ROS1: variants seen among roughly 807,000 people sequenced by gnomAD.
ROS1 encodes proto-oncogene tyrosine-protein kinase ROS.
ROS1 carries 263 observed loss-of-function variants against 273.5 expected under a neutral mutation model. That is an observed-to-expected ratio of 0.96 (90% CI 0.87 to 1.06). The LOEUF (loss-of-function observed/expected upper bound fraction) is 1.06. ROS1 is among the 50% of genes least tolerant of loss of function. ROS1 has a pLI of 0.00. For missense variants in ROS1, 2,833 were observed against 2,751.1 expected (o/e 1.03, Z -0.67); for synonymous variants, 1,008 against 954.1 (o/e 1.06, Z -1.04).
intron 39 of ROS1, among the ~76,000 whole-genome samples, chr6:117,315,715 A>G (rs1463758165): frequency 2.0e-5 from 3 of 152,168 alleles, no homozygotes; most frequent in Admixed American, 2.0e-4. Flanking sequence ...ACAAAAAGTC[A>G]TGAGATACAT....
chr6:117,425,687 C>A lies in ROS1; in HGVS notation c.-31G>T. On this transcript the variant is annotated 5_prime_UTR_variant, in exon 1 of 44. Transcript: ENST00000368507. The stretch of plus-strand genomic sequence containing the variant: ...CACCAATGGCAGATTTTTAGATGGC[C>A]GGTCTAATTTTCTCCATTTTGCTAT... 2 of 1,606,812 alleles carry A rather than the reference C, an allele frequency of 1.2e-6. No individual in the cohort carries two copies. Among genetic ancestry groups the A allele is most frequent in the Middle Eastern group, 1.7e-4 (1 of 6,036 alleles).
At chr6:117,330,146 G>A (rs563915215) in intron 32 of ROS1, among the ~76,000 whole-genome samples, 1 of 152,232 alleles carries the variant, frequency 6.6e-6, no homozygotes, top group Admixed American at 6.5e-5. Context: ...GAGCCAGCGA[G>A]GCTGGACAGC....
intron 4 of ROS1, among the ~76,000 whole-genome samples, chr6:117,411,816 G>A (rs1774935315): frequency 6.6e-6 from 1 of 152,174 alleles, no homozygotes; most frequent in Non-Finnish European, 1.5e-5. Flanking sequence ...AAGCAAGAAA[G>A]TTAAACTCCC....
At position 117,377,173 on chromosome 6, in the gene ROS1, C is replaced by T. The variant is rs563560852; in HGVS notation, c.2582+1886G>A. On this transcript the variant is annotated intron_variant, in intron 18 of 43. Coordinates refer to ENST00000368507, the MANE Select transcript of ROS1 (RefSeq NM_001378902.1). ...TTGCCCAGGCTGGAGTGCAATGGCG[C>T]GATCTCAGCTCACTGTAACCTCTGC... Among the ~76,000 whole-genome samples the T allele has an allele frequency of 2.9e-3, 437 of 152,224 alleles. 2 individuals are homozygous for T. Among genetic ancestry groups the T allele is most frequent in the African/African-American group, 9.5e-3 (394 of 41,528 alleles).
At chr6:117,298,490 G>T (rs1044787153) in intron 43 of ROS1, among the ~76,000 whole-genome samples, 2 of 152,182 alleles carry the variant, frequency 1.3e-5, no homozygotes, top group African/African-American at 4.8e-5. Flanking sequence ...TTAATTTTAT[G>T]TATTGGCAAA....
intron 20 of ROS1, 116 bp from the exon 21 acceptor site, chr6:117,365,320 T>G: frequency 8.9e-7 from 1 of 1,119,884 alleles, no homozygotes. Context: ...ATTTGCAATT[T>G]TGGAAGTGCT....
chr6:117,305,879 T>C (rs549005196), intron 42 of ROS1, among the ~76,000 whole-genome samples: 4 of 152,228 alleles, frequency 2.6e-5, no homozygotes, highest in Non-Finnish European at 5.9e-5. Flanking sequence ...CTAAACAAAT[T>C]TGCAGGTCCT....
At chr6:117,316,683 C>A (rs1056705231) in intron 39 of ROS1, among the ~76,000 whole-genome samples, 1 of 151,432 alleles carries the variant, frequency 6.6e-6, no homozygotes, top group Non-Finnish European at 1.5e-5. Context: ...AGAGGACGTA[C>A]GAAATCAAGA....
chr6:117,353,329 T>C (rs1196293451), intron 26 of ROS1, among the ~76,000 whole-genome samples, 163 bp from the exon 27 acceptor site: 1 of 152,260 alleles, frequency 6.6e-6, no homozygotes, highest in African/African-American at 2.4e-5. Context: ...CTAAGGGTTT[T>C]AGAGATGTTC....
In ROS1 at chr6:117,287,959, C is replaced by A. The variant is rs1362695233; in HGVS notation, c.*533G>T. Among the ~76,000 whole-genome samples, 1 of 151,410 alleles carries A rather than the reference C, an allele frequency of 6.6e-6. No homozygotes were observed. The highest frequency in any genetic ancestry group is 1.9e-4 in the East Asian group (1 of 5,188). ...AATTAAAAAAAGATAATATATATAT[C>A]ATTGCAGTAACAGCTTTCCAAGTGA... On this transcript the variant is annotated 3_prime_UTR_variant, in exon 44 of 44. Transcript: ENST00000368507.
rs1776655869 is a variant in ROS1, at chr6:117,326,500, G to A, written c.5349-86C>T. On this transcript the variant is annotated intron_variant, in intron 33 of 43. Coordinates refer to ENST00000368507, the MANE Select transcript of ROS1 (RefSeq NM_001378902.1). ...TCATAGATCTTCTTAGTGACTGAAC[G>A]CCAGAGAGTGTCCTTTGGCACAATT... 12 of 793,490 alleles carry A rather than the reference G, an allele frequency of 1.5e-5. No individual in the cohort carries two copies. In the Admixed American group the frequency reaches 2.3e-4, roughly 15 times the overall value. 49.2% of individuals were successfully genotyped at this position (793,490 alleles called of 1,614,324 possible).
chr6:117,307,576 C>A (rs554215128), intron 42 of ROS1, among the ~76,000 whole-genome samples: 1 of 152,082 alleles, frequency 6.6e-6, no homozygotes, highest in South Asian at 2.1e-4. Context: ...CATTTCCCCC[C>A]AAAATGATTA....
intron 27 of ROS1, among the ~76,000 whole-genome samples, chr6:117,344,778 T>C (rs1169140178): frequency 2.0e-5 from 3 of 152,166 alleles, no homozygotes; most frequent in Non-Finnish European, 4.4e-5. Flanking sequence ...AGGTGATTGA[T>C]GGCATTGTGG....
intron 26 of ROS1, 34 bp downstream of exon 26, chr6:117,356,595 A>G: frequency 5.7e-6 from 9 of 1,576,824 alleles, no homozygotes; most frequent in Non-Finnish European, 7.8e-6. Context: ...TGCTCTTATT[A>G]ACAAATATCT....
In ROS1 at chr6:117,317,143, C is replaced by G. The variant is rs376249709; in HGVS notation, c.6117G>C (p.Thr2039=). Reference sequence around the variant, plus strand: ...AATATTATGGATCCCAACTGCCTACCGTTGCCATCCGGGCTTTACGCAAAT... The same window carrying G: ...AATATTATGGATCCCAACTGCCTACGGTTGCCATCCGGGCTTTACGCAAAT... ...LTYLRKARMA[T]FYGPLLTLVD... The change falls in exon 39 of 44, where the codon ACG becomes ACC. Residue 2039 remains threonine (T), a splice_region_variant and synonymous_variant. Coordinates refer to ENST00000368507, the MANE Select transcript of ROS1 (RefSeq NM_001378902.1). The G allele has an allele frequency of 1.9e-6, 3 of 1,611,028 alleles. No homozygotes were observed. In the Admixed American group the frequency reaches 5.0e-5, roughly 27 times the overall value.
At chr6:117,326,089 GATTATATATATATATATATATATATATAT>G in intron 34 of ROS1, 106 bp downstream of exon 34, 1 of 166,606 alleles carries the variant, frequency 6.0e-6, no homozygotes, top group Non-Finnish European at 9.8e-6. Flanking sequence ...TGGATAATAA[GATTATATATATATATATATATATATATAT>G]ATATATATAG....
chr6:117,344,299 A>G (rs1778197507), intron 27 of ROS1, 37 bp from the exon 28 acceptor site: 2 of 1,468,686 alleles, frequency 1.4e-6, no homozygotes, highest in Non-Finnish European at 1.9e-6. Context: ...AAATATCTAT[A>G]CTATATATAT....
Position 117,308,842 on chromosome 6 carries a change from A to T in ROS1, c.6503T>A (p.Val2168Glu), listed in dbSNP as rs754329824. The stretch of plus-strand genomic sequence containing the variant: ...TGGCTCCAGTCTCCCTCCTGTTTGC[A>T]CATAGTTTAACACATCAAGGTTGGA... ...AHSNLDVLNYVQTGGRLEPPR... is the reference protein window; with the variant it reads ...AHSNLDVLNYEQTGGRLEPPR... Residue 2168 changes from valine to glutamate, a missense_variant, in exon 42 of 44, where the codon GTG becomes GAG. Transcript: ENST00000368507. 6.2e-7 allele frequency: 1 copy of T among 1,613,512 alleles called. No individual in the cohort carries two copies. The highest frequency in any genetic ancestry group is 8.5e-7 in the Non-Finnish European group (1 of 1,179,640).
chr6:117,288,916 C>A, intron 43 of ROS1, 114 bp from the exon 44 acceptor site: 1 of 850,040 alleles, frequency 1.2e-6, no homozygotes, highest in Non-Finnish European at 1.8e-6. Flanking sequence ...GTTCAGCAAA[C>A]ATTTATGAAG....
Sources: allele counts gnomAD v4.1 joint callset (sites outside exome capture counted in the v4.1 genomes callset), GRCh38; gene constraint gnomAD v4.1.1; transcripts MANE v1.5; gene names NCBI Gene and HGNC (gene_info 2026-07-23, HGNC 2026-07-21).